The following ESRRB variants were observed in gnomAD, a reference collection of about 807,000 sequenced individuals.
ESRRB encodes the protein steroid hormone receptor ERR2.
ESRRB carries 16 observed loss-of-function variants against 46.0 expected under a neutral mutation model. The ratio of observed to expected loss-of-function variants is 0.35; its 90% CI spans 0.24 to 0.53. The LOEUF is 0.53. Among genes scored for constraint, ESRRB ranks in the 20% least tolerant of loss-of-function variants. The pLI is 0.93. For missense variants in ESRRB, 488 were observed against 607.4 expected (o/e 0.80, Z 2.07); for synonymous variants, 246 against 259.6 (o/e 0.95, Z 0.50).
chr14:76,349,920 G>T (rs1004882641), intron 1 of ESRRB, among the ~76,000 whole-genome samples: 2 of 152,142 alleles, frequency 1.3e-5, no homozygotes, highest in Non-Finnish European at 2.9e-5. Context: ...CCTGGGGTGG[G>T]TCTAATGAAA....
chr14:76,470,327 T>A (rs1360067279), intron 3 of ESRRB, among the ~76,000 whole-genome samples: 1 of 152,206 alleles, frequency 6.6e-6, no homozygotes, highest in African/African-American at 2.4e-5. Context: ...CCCAGAAGCC[T>A]AAGCAGGATA....
Position 76,500,869 on chromosome 14 carries a change from CT to C in ESRRB, c.*2415del. 1 of 803,028 alleles carries C rather than the reference CT, an allele frequency of 1.2e-6. No individual in the cohort carries two copies. Among genetic ancestry groups the C allele is most frequent in the Non-Finnish European group, 2.2e-6 (1 of 458,720 alleles). 49.7% of individuals were successfully genotyped at this position (803,028 alleles called of 1,614,324 possible). A position where few individuals can be genotyped will look rare whatever the true frequency, so the allele number is the denominator to read the frequency against. On this transcript the variant is annotated 3_prime_UTR_variant, in exon 7 of 7. Coordinates refer to ENST00000644823, the MANE Select transcript of ESRRB (RefSeq NM_001379180.1). ...GTTGGTGTCCATGAGGTGGAAGCTG[CT>C]TTTATACTTAAAACTCAGATCACAA...
intron 1 of ESRRB, among the ~76,000 whole-genome samples, chr14:76,379,860 CAAAA>C (rs34925535): frequency 7.9e-6 from 1 of 127,076 alleles, no homozygotes. Context: ...AGATCTGTTC[CAAAA>C]AAAAAAAAAA....
rs570558368 is a variant in ESRRB, at chr14:76,385,595, A to T, written c.50+9144A>T. Reference sequence around the variant, plus strand: ...CTGTTGATTATCCTGAGTATAACACATCTTCCTCAGTTGTTAAGGCCAGCT... The same window carrying T: ...CTGTTGATTATCCTGAGTATAACACTTCTTCCTCAGTTGTTAAGGCCAGCT... On this transcript the variant is annotated intron_variant, in intron 1 of 6. Coordinates refer to ENST00000644823, the MANE Select transcript of ESRRB (RefSeq NM_001379180.1). Among the ~76,000 whole-genome samples, 18 of 152,300 alleles carry T rather than the reference A, an allele frequency of 1.2e-4. No individual in the cohort carries two copies. In the South Asian group the frequency reaches 3.7e-3, roughly 32 times the overall value.
rs568350830 is a variant in ESRRB, at chr14:76,412,288, G to A, written c.51-27053G>A. 3.9e-5 allele frequency among the ~76,000 whole-genome samples: 6 copies of A among 152,342 alleles called. No individual in the cohort carries two copies. The East Asian group carries it at 9.6e-4, about 24-fold the overall frequency. On this transcript the variant is annotated intron_variant, in intron 1 of 6. Coordinates refer to ENST00000644823, the MANE Select transcript of ESRRB (RefSeq NM_001379180.1). ...CTCCTGGGGTACAGGAATAGATGGA[G>A]TGGCTTCATGTTCTTCAGTACCTCA... is the stretch of plus-strand genomic sequence containing the variant.
intron 3 of ESRRB, among the ~76,000 whole-genome samples, chr14:76,463,917 G>T (rs142314109): frequency 2.9e-4 from 44 of 151,950 alleles, no homozygotes; most frequent in African/African-American, 1.0e-3. Flanking sequence ...TGCTCAGGTT[G>T]GTCTCCAACT....
intron 1 of ESRRB, among the ~76,000 whole-genome samples, chr14:76,355,451 C>T (rs866894896): frequency 1.3e-5 from 2 of 152,298 alleles, no homozygotes; most frequent in East Asian, 1.9e-4. Flanking sequence ...TCACTTGTTT[C>T]GTCTGCCACG....
intron 2 of ESRRB, among the ~76,000 whole-genome samples, chr14:76,452,971 CAA>C (rs1888456778): frequency 6.6e-6 from 1 of 152,234 alleles, no homozygotes; most frequent in Non-Finnish European, 1.5e-5. Flanking sequence ...CTGTGGTTCT[CAA>C]AGTGTGGCCC....
At chr14:76,432,130 T>G (rs1273668119) in intron 1 of ESRRB, among the ~76,000 whole-genome samples, 1 of 152,212 alleles carries the variant, frequency 6.6e-6, no homozygotes, top group Non-Finnish European at 1.5e-5. Flanking sequence ...TCTAAGTCAG[T>G]GGTTCTCAGC....
In ESRRB at chr14:76,381,491, T is replaced by A. The variant is rs147662535; in HGVS notation, c.50+5040T>A. On this transcript the variant is annotated intron_variant, in intron 1 of 6. Transcript: ENST00000644823. Reference sequence around the variant, plus strand: ...TTTCTTCCCCAGGGCACTGGGCTAGTGACCTTTGCCTCTTGAGACACTGTC... The same window carrying A: ...TTTCTTCCCCAGGGCACTGGGCTAGAGACCTTTGCCTCTTGAGACACTGTC... Among the ~76,000 whole-genome samples the A allele has an allele frequency of 2.4e-4, 37 of 152,282 alleles. No homozygotes were observed. In the East Asian group the frequency reaches 7.2e-3, roughly 29 times the overall value.
At chr14:76,422,797 CG>C (rs1160805201) in intron 1 of ESRRB, among the ~76,000 whole-genome samples, 1 of 152,098 alleles carries the variant, frequency 6.6e-6, no homozygotes, top group Non-Finnish European at 1.5e-5. Context: ...AGTGACAGGC[CG>C]GGATTCCGAC....
intron 1 of ESRRB, among the ~76,000 whole-genome samples, chr14:76,321,901 T>A (rs752458712): frequency 7.7e-4 from 98 of 126,672 alleles, no homozygotes; most frequent in African/African-American, 1.9e-3. Flanking sequence ...AAAAAAAAAA[T>A]ATATTCTTCC....
At chr14:76,465,796 T>G (rs1451524491) in intron 3 of ESRRB, among the ~76,000 whole-genome samples, 1 of 152,216 alleles carries the variant, frequency 6.6e-6, no homozygotes, top group East Asian at 1.9e-4. Context: ...TCCCCGCCAG[T>G]GCTGGCAGGT....
At chr14:76,430,022 T>TCCTTC (rs1195688461) in intron 1 of ESRRB, among the ~76,000 whole-genome samples, 2 of 152,080 alleles carry the variant, frequency 1.3e-5, no homozygotes, top group Non-Finnish European at 2.9e-5. Flanking sequence ...CTTCCTTTCT[T>TCCTTC]CCTTCCCTAC....
intron 5 of ESRRB, among the ~76,000 whole-genome samples, chr14:76,483,597 T>C (rs904620417): frequency 3.3e-5 from 5 of 152,200 alleles, no homozygotes; most frequent in African/African-American, 7.2e-5. Flanking sequence ...CCAACACCCA[T>C]GTATTCTACA....
chr14:76,391,749 G>A (rs1249336920), intron 1 of ESRRB, among the ~76,000 whole-genome samples: 1 of 152,190 alleles, frequency 6.6e-6, no homozygotes. Flanking sequence ...TTGTGCTTTG[G>A]GGTGCACCAC....
chr14:76,400,511 G>C lies in ESRRB; in HGVS notation c.50+24060G>C, dbSNP rs576922786. Among the ~76,000 whole-genome samples the C allele has an allele frequency of 7.9e-5, 12 of 152,318 alleles. No homozygotes were observed. In the East Asian group the frequency reaches 2.3e-3, roughly 29 times the overall value. Reference sequence around the variant, plus strand: ...CTTCCTCATTTGGGATGTGAAAATGGTTTTTCTTTTATAATGTGATGCTTG... The same window carrying C: ...CTTCCTCATTTGGGATGTGAAAATGCTTTTTCTTTTATAATGTGATGCTTG... On this transcript the variant is annotated intron_variant, in intron 1 of 6. Coordinates refer to ENST00000644823, the MANE Select transcript of ESRRB (RefSeq NM_001379180.1).
At chr14:76,490,725 G>A (rs370246979) in intron 5 of ESRRB, among the ~76,000 whole-genome samples, 1 of 152,194 alleles carries the variant, frequency 6.6e-6, no homozygotes, top group Admixed American at 6.5e-5. Context: ...TAGCAGGGAG[G>A]GGGGAACTAG....
At chr14:76,315,947 T>G (rs1022855040) in intron 1 of ESRRB, among the ~76,000 whole-genome samples, 1 of 152,180 alleles carries the variant, frequency 6.6e-6, no homozygotes, top group Non-Finnish European at 1.5e-5. Flanking sequence ...TTTCTTAAGT[T>G]TCTTGGCCCT....
Sources: gnomAD v4.1 joint callset for allele counts (sites outside exome capture counted in the v4.1 genomes callset) on GRCh38, gnomAD v4.1.1 for gene constraint, MANE v1.5 for transcripts, NCBI Gene and HGNC (gene_info 2026-07-23, HGNC 2026-07-21) for gene names.